Variants in PSD3 observed in about 807,000 individuals in gnomAD.
PSD3 encodes PH and SEC7 domain-containing protein 3.
Under a neutral mutation model 105.5 loss-of-function variants are expected in PSD3, and 49 were observed. That is an observed-to-expected ratio of 0.46 (90% CI 0.37 to 0.59). The LOEUF (loss-of-function observed/expected upper bound fraction) is 0.59, where lower values mean the gene tolerates loss of function less well. Ranked by LOEUF, PSD3 falls within the 20% of genes least tolerant of loss-of-function variation. The pLI, the probability that PSD3 is intolerant of heterozygous loss-of-function variation, is 0.00. For missense variants in PSD3, 1,561 were observed against 1,263.8 expected (o/e 1.24, Z -3.57); for synonymous variants, 557 against 457.8 (o/e 1.22, Z -2.77).
rs1799562769 is a variant in PSD3, at chr8:18,529,889, A to C, written c.*5854T>G. The C allele has an allele frequency of 6.6e-6, 1 of 152,408 alleles. No individual in the cohort carries two copies. Among genetic ancestry groups the C allele is most frequent in the Non-Finnish European group, 1.5e-5 (1 of 68,042 alleles). The allele number at this position is 152,408 out of a possible 1,614,324, so 9.4% of individuals were successfully genotyped here. ...ACTCTCGCAAAACTAAGACCCTGCC[A>C]ATCATTCACAGAGCCAGTCCACTGC... On this transcript the variant is annotated 3_prime_UTR_variant, in exon 16 of 16. Coordinates refer to ENST00000327040, the MANE Select transcript of PSD3 (RefSeq NM_015310.4).
intron 8 of PSD3, among the ~76,000 whole-genome samples, chr8:18,785,548 G>A (rs943076143): frequency 1.4e-4 from 22 of 152,290 alleles, no homozygotes; most frequent in African/African-American, 4.3e-4. Context: ...AACTTGCTCT[G>A]TATCAGTAAT....
chr8:18,974,151 T>C (rs1285762803), intron 1 of PSD3, among the ~76,000 whole-genome samples: 1 of 152,210 alleles, frequency 6.6e-6, no homozygotes, highest in South Asian at 2.1e-4. Flanking sequence ...GTACCAGTTC[T>C]CTCCATAGAT....
chr8:18,756,817 G>C (rs1806080085), intron 9 of PSD3, among the ~76,000 whole-genome samples: 1 of 148,506 alleles, frequency 6.7e-6, no homozygotes, highest in South Asian at 2.2e-4. Context: ...TTACAAATGA[G>C]GAAACTCAGG....
chr8:18,973,232 C>A (rs757660614), intron 1 of PSD3, among the ~76,000 whole-genome samples: 2 of 152,172 alleles, frequency 1.3e-5, no homozygotes, highest in Non-Finnish European at 2.9e-5. Flanking sequence ...GAAGAGGCAA[C>A]TGAAAACCCC....
chr8:18,781,804 A>G (rs1808660344), intron 8 of PSD3, among the ~76,000 whole-genome samples: 1 of 152,130 alleles, frequency 6.6e-6, no homozygotes, highest in Admixed American at 6.5e-5. Flanking sequence ...CTATGCCATT[A>G]CCCATCTGTT....
At chr8:18,862,809 T>C (rs1242646974) in intron 4 of PSD3, among the ~76,000 whole-genome samples, 2 of 145,470 alleles carry the variant, frequency 1.4e-5, no homozygotes, top group South Asian at 2.2e-4. Flanking sequence ...ACAATACAGA[T>C]AGAGAAAAAC....
intron 1 of PSD3, chr8:18,940,537 A>C (rs991462334): frequency 3.3e-5 from 5 of 152,230 alleles, no homozygotes; most frequent in African/African-American, 1.2e-4. Context: ...TGCTCCATTA[A>C]CATACTCCAC....
chr8:18,837,389 C>A (rs961154452), intron 4 of PSD3, among the ~76,000 whole-genome samples: 2 of 152,104 alleles, frequency 1.3e-5, no homozygotes, highest in African/African-American at 4.8e-5. Context: ...TCCAAGTAAA[C>A]GTCACTTAAA....
At chr8:19,077,175 C>G (rs1428943721) in intron 1 of PSD3, among the ~76,000 whole-genome samples, 3 of 152,152 alleles carry the variant, frequency 2.0e-5, no homozygotes, top group East Asian at 3.9e-4. Flanking sequence ...TTCATTGATA[C>G]TGCATCATAC....
intron 14 of PSD3, among the ~76,000 whole-genome samples, chr8:18,567,088 T>C (rs1047602489): frequency 2.0e-5 from 3 of 152,208 alleles, no homozygotes; most frequent in Non-Finnish European, 4.4e-5. Context: ...CACTCATATG[T>C]TGCTCTAAGT....
intron 1 of PSD3, among the ~76,000 whole-genome samples, chr8:18,938,374 C>T (rs1411646688): frequency 6.6e-6 from 1 of 152,006 alleles, no homozygotes; most frequent in East Asian, 1.9e-4. Context: ...TTAATCTTAG[C>T]ACTCTGGGAG....
intron 14 of PSD3, among the ~76,000 whole-genome samples, chr8:18,565,332 G>C (rs1168439047): frequency 2.0e-5 from 3 of 152,132 alleles, no homozygotes. Flanking sequence ...AGCAAAACTT[G>C]TATTTTCAAA....
intron 8 of PSD3, among the ~76,000 whole-genome samples, chr8:18,783,229 G>A (rs1203824577): frequency 6.6e-6 from 1 of 152,068 alleles, no homozygotes; most frequent in Non-Finnish European, 1.5e-5. Flanking sequence ...ATCTTTCTAA[G>A]AATTTGTTCA....
intron 8 of PSD3, among the ~76,000 whole-genome samples, chr8:18,777,066 G>A (rs1047536566): frequency 2.2e-4 from 33 of 151,526 alleles, no homozygotes; most frequent in African/African-American, 6.3e-4. Flanking sequence ...TTTTTGAGAC[G>A]GAGTCTACCT....
At chr8:18,651,252 A>T (rs1438516073) in intron 10 of PSD3, among the ~76,000 whole-genome samples, 1 of 152,218 alleles carries the variant, frequency 6.6e-6, no homozygotes, top group Non-Finnish European at 1.5e-5. Flanking sequence ...CACTGAACCC[A>T]GTCAGAAAAC....
At chr8:18,922,777 G>A (rs944286548) in intron 2 of PSD3, among the ~76,000 whole-genome samples, 5 of 152,148 alleles carry the variant, frequency 3.3e-5, no homozygotes, top group African/African-American at 9.7e-5. Flanking sequence ...TCAGCTCACA[G>A]AACACAGGGA....
rs193101229 is a variant in PSD3, at chr8:18,791,739, C to T, written c.2082+7556G>A. ...CAAAAATTGACAAACGGGATCCAAT[C>T]AAACTGAACAGCTTCTGCAGAGCAA... On this transcript the variant is annotated intron_variant, in intron 8 of 15. Coordinates refer to ENST00000327040, the MANE Select transcript of PSD3 (RefSeq NM_015310.4). 2.4e-3 allele frequency among the ~76,000 whole-genome samples: 367 copies of T among 152,258 alleles called. 3 individuals are homozygous for T. Among genetic ancestry groups the T allele is most frequent in the African/African-American group, 7.9e-3 (330 of 41,544 alleles).
intron 1 of PSD3, among the ~76,000 whole-genome samples, chr8:18,957,612 G>T (rs760229078): frequency 6.6e-6 from 1 of 152,170 alleles, no homozygotes; most frequent in East Asian, 1.9e-4. Flanking sequence ...AGCCTAGACA[G>T]GGAGGGCTGT....
chr8:19,047,833 C>T (rs370219041), intron 1 of PSD3, among the ~76,000 whole-genome samples: 5 of 152,126 alleles, frequency 3.3e-5, no homozygotes, highest in South Asian at 4.1e-4. Flanking sequence ...TCACACTGCA[C>T]GGGAGCCTGT....
Sources: allele counts gnomAD v4.1 joint callset (sites outside exome capture counted in the v4.1 genomes callset), GRCh38; gene constraint gnomAD v4.1.1; transcripts MANE v1.5; gene names NCBI Gene and HGNC (gene_info 2026-07-23, HGNC 2026-07-21).